Variants in PPM1L observed in about 807,000 individuals in gnomAD.
PPM1L encodes the protein protein phosphatase 1L.
Under a neutral mutation model 31.4 loss-of-function variants are expected in PPM1L, and 13 were observed. The ratio of observed to expected loss-of-function variants is 0.41; its 90% CI spans 0.27 to 0.66. PPM1L has a LOEUF of 0.66. Among genes scored for constraint, PPM1L ranks in the 30% least tolerant of loss-of-function variants. The pLI, the probability that PPM1L is intolerant of heterozygous loss-of-function variation, is 0.29. For synonymous variants in PPM1L, 184 were observed against 175.4 expected, an observed-to-expected ratio of 1.05 and a Z score of -0.39; for missense variants, 326 against 453.7, an observed-to-expected ratio of 0.72 and a Z score of 2.56.
chr3:160,902,835 A>G (rs1185868432), intron 1 of PPM1L, among the ~76,000 whole-genome samples: 2 of 152,164 alleles, frequency 1.3e-5, no homozygotes, highest in African/African-American at 4.8e-5. Context: ...CCCTTGATAC[A>G]TACACCCATT....
At chr3:160,945,196 G>A (rs956914710) in intron 1 of PPM1L, among the ~76,000 whole-genome samples, 2 of 148,960 alleles carry the variant, frequency 1.3e-5, no homozygotes, top group African/African-American at 2.5e-5. Flanking sequence ...CTGTAACAGT[G>A]TTTGGCACAC....
At chr3:161,026,971 A>G (rs1718418186) in intron 2 of PPM1L, among the ~76,000 whole-genome samples, 2 of 152,168 alleles carry the variant, frequency 1.3e-5, no homozygotes, top group South Asian at 4.1e-4. Context: ...TCTGGTGTCA[A>G]ATTCTGGCTC....
chr3:160,764,704 G>T (rs1206182550), intron 1 of PPM1L, among the ~76,000 whole-genome samples: 1 of 152,104 alleles, frequency 6.6e-6, no homozygotes, highest in East Asian at 1.9e-4. Flanking sequence ...CTGACCTCAG[G>T]CAATCTGCCC....
intron 1 of PPM1L, among the ~76,000 whole-genome samples, chr3:160,859,752 G>C (rs569701914): frequency 2.0e-5 from 3 of 152,298 alleles, no homozygotes; most frequent in African/African-American, 7.2e-5. Context: ...GTCAATATGT[G>C]CATTTTGTGA....
At chr3:160,961,692 G>T in intron 1 of PPM1L, 44 bp from the exon 2 acceptor site, 2 of 1,526,370 alleles carry the variant, frequency 1.3e-6, no homozygotes, top group South Asian at 1.3e-5. Context: ...TCTAAGGGGA[G>T]AATTTCTAAT....
At chr3:160,767,013 T>A (rs923705040) in intron 1 of PPM1L, among the ~76,000 whole-genome samples, 4 of 152,150 alleles carry the variant, frequency 2.6e-5, no homozygotes, top group Admixed American at 2.6e-4. Context: ...TGGAGAGACA[T>A]TATTTTCTAA....
chr3:160,820,491 ATTTC>A (rs1432786559), intron 1 of PPM1L, among the ~76,000 whole-genome samples: 1 of 152,052 alleles, frequency 6.6e-6, no homozygotes, highest in Non-Finnish European at 1.5e-5. Flanking sequence ...TATTGATTTC[ATTTC>A]TTTGTCTTCA....
At chr3:160,997,460 TG>T (rs1159098526) in intron 2 of PPM1L, among the ~76,000 whole-genome samples, 2 of 152,216 alleles carry the variant, frequency 1.3e-5, no homozygotes, top group Non-Finnish European at 2.9e-5. Context: ...ATAACATTGT[TG>T]GCAGAAATGT....
intron 1 of PPM1L, among the ~76,000 whole-genome samples, chr3:160,848,752 A>G (rs977365062): frequency 6.6e-6 from 1 of 152,170 alleles, no homozygotes; most frequent in Non-Finnish European, 1.5e-5. Flanking sequence ...AAGCTTCACA[A>G]ATGTTTTATG....
chr3:160,862,764 A>G (rs1576676638), intron 1 of PPM1L, among the ~76,000 whole-genome samples: 1 of 151,896 alleles, frequency 6.6e-6, no homozygotes, highest in African/African-American at 2.4e-5. Flanking sequence ...AATGACAACT[A>G]TGGATAAAAA....
At chr3:161,046,499 C>A (rs1719076348) in intron 2 of PPM1L, among the ~76,000 whole-genome samples, 1 of 152,164 alleles carries the variant, frequency 6.6e-6, no homozygotes, top group Admixed American at 6.5e-5. Flanking sequence ...CAGCCGAATT[C>A]TACCAGAGGT....
In PPM1L at chr3:161,075,846, T is replaced by C. The variant is rs1720080830; in HGVS notation, c.*6689T>C. 1 of 152,208 alleles carries C rather than the reference T, an allele frequency of 6.6e-6. No individual in the cohort carries two copies. The highest frequency in any genetic ancestry group is 1.5e-5 in the Non-Finnish European group (1 of 68,038). The allele number at this position is 152,208 out of a possible 1,614,324, so 9.4% of individuals were successfully genotyped here. A position where few individuals can be genotyped will look rare whatever the true frequency, so the allele number is the denominator to read the frequency against. On this transcript the variant is annotated 3_prime_UTR_variant, in exon 4 of 4. Transcript: ENST00000498165. The stretch of plus-strand genomic sequence containing the variant: ...TAGTAAAATTGCAGTCCCTATTCCA[T>C]TTTTTTCTGATGAAAATGGATACAT...
At chr3:160,932,818 G>A (rs1714831171) in intron 1 of PPM1L, among the ~76,000 whole-genome samples, 1 of 152,134 alleles carries the variant, frequency 6.6e-6, no homozygotes, top group East Asian at 1.9e-4. Flanking sequence ...TTGAATTTCA[G>A]CCTCATCATT....
At chr3:160,836,827 A>T (rs1713730550) in intron 1 of PPM1L, among the ~76,000 whole-genome samples, 1 of 152,124 alleles carries the variant, frequency 6.6e-6, no homozygotes, top group South Asian at 2.1e-4. Context: ...ATTTTTACCA[A>T]TCTCATGTGA....
At chr3:160,772,669 C>T (rs75089440) in intron 1 of PPM1L, among the ~76,000 whole-genome samples, 2,514 of 152,268 alleles carry the variant, frequency 0.017, 64 homozygotes, top group African/African-American at 0.057. Flanking sequence ...ATCTCCATCA[C>T]CCTCAAAAGT....
intron 1 of PPM1L, among the ~76,000 whole-genome samples, chr3:160,802,006 A>G (rs1486349034): frequency 6.6e-6 from 1 of 152,042 alleles, no homozygotes; most frequent in Non-Finnish European, 1.5e-5. Flanking sequence ...CCAAGCCCTT[A>G]GCTTCAGAAG....
At chr3:161,039,896 C>A (rs1718860224) in intron 2 of PPM1L, among the ~76,000 whole-genome samples, 1 of 152,184 alleles carries the variant, frequency 6.6e-6, no homozygotes, top group South Asian at 2.1e-4. Flanking sequence ...AACCTGCTTC[C>A]CATCTGCTGA....
chr3:161,067,124 T>G (rs1719763695), intron 3 of PPM1L, among the ~76,000 whole-genome samples: 1 of 152,188 alleles, frequency 6.6e-6, no homozygotes, highest in Admixed American at 6.5e-5. Flanking sequence ...TGCATCAGCA[T>G]CAGGCAAGGA....
intron 1 of PPM1L, among the ~76,000 whole-genome samples, chr3:160,961,431 G>A (rs1371431825): frequency 1.3e-5 from 2 of 152,182 alleles, no homozygotes; most frequent in Non-Finnish European, 1.5e-5. Context: ...CAAAATCACT[G>A]TCAGGGGCCT....
Sources: allele counts gnomAD v4.1 joint callset (sites outside exome capture counted in the v4.1 genomes callset), GRCh38; gene constraint gnomAD v4.1.1; transcripts MANE v1.5; gene names NCBI Gene and HGNC (gene_info 2026-07-23, HGNC 2026-07-21).